Variants in TTBK2 observed in about 807,000 individuals in gnomAD.
TTBK2 encodes the protein tau tubulin kinase 2, also known as tau-tubulin kinase 2.
Under a neutral mutation model 110.8 loss-of-function variants are expected in TTBK2, and 28 were observed. The observed-to-expected ratio is 0.25, with a 90% CI of 0.19 to 0.35. TTBK2 has a LOEUF of 0.35. Ranked by LOEUF, TTBK2 falls within the 10% of genes least tolerant of loss-of-function variation. TTBK2 has a pLI of 1.00. For missense variants in TTBK2, 1,369 were observed against 1,500.3 expected (o/e 0.91, Z 1.45); for synonymous variants, 532 against 527.3 (o/e 1.01, Z -0.12).
chr15:42,905,315 C>G (rs1253578209), intron 1 of TTBK2, among the ~76,000 whole-genome samples: 1 of 152,086 alleles, frequency 6.6e-6, no homozygotes, highest in Non-Finnish European at 1.5e-5. Flanking sequence ...ACTCTGTCAC[C>G]CAAGCTGGAA....
At chr15:42,893,044 A>C (rs1462381099) in intron 1 of TTBK2, among the ~76,000 whole-genome samples, 5 of 151,826 alleles carry the variant, frequency 3.3e-5, no homozygotes, top group Admixed American at 2.0e-4. Flanking sequence ...AAGAAAAAAA[A>C]CCAAAATGTT....
chr15:42,768,376 C>T (rs1889489470), intron 13 of TTBK2, among the ~76,000 whole-genome samples: 1 of 152,190 alleles, frequency 6.6e-6, no homozygotes, highest in Non-Finnish European at 1.5e-5. Context: ...ATCATCTCAG[C>T]CCAAAATCTT....
intron 1 of TTBK2, among the ~76,000 whole-genome samples, chr15:42,917,371 AAAG>A (rs1393184348): frequency 2.0e-5 from 3 of 152,164 alleles, no homozygotes; most frequent in Non-Finnish European, 2.9e-5. Context: ...AACCAACTGA[AAAG>A]AAGAAACTAT....
chr15:42,874,554 T>G, intron 2 of TTBK2, among the ~76,000 whole-genome samples: 1 of 151,730 alleles, frequency 6.6e-6, no homozygotes, highest in East Asian at 2.0e-4. Flanking sequence ...TGATCACAGG[T>G]GATCCACCCA....
At chr15:42,907,929 A>C (rs1012974789) in intron 1 of TTBK2, among the ~76,000 whole-genome samples, 5 of 151,214 alleles carry the variant, frequency 3.3e-5, no homozygotes, top group Non-Finnish European at 7.4e-5. Flanking sequence ...AAATAATAAT[A>C]ATAATAATTA....
At chr15:42,914,599 G>A (rs1424942410) in intron 1 of TTBK2, among the ~76,000 whole-genome samples, 1 of 152,198 alleles carries the variant, frequency 6.6e-6, no homozygotes, top group East Asian at 1.9e-4. Context: ...GGAGAGTGGG[G>A]ACTCTTTAGG....
Position 42,783,558 on chromosome 15 carries a change from C to G in TTBK2, c.1058G>C (p.Ser353Thr), listed in dbSNP as rs1406023304. Residue 353 changes from serine to threonine, a missense_variant, in exon 11 of 15, where the codon AGC becomes ACC. By Grantham distance (58) the Ser-to-Thr change is moderately conservative. Around this residue, in one of 4 missense-constraint regions of TTBK2, gnomAD observed 1,097 missense variants for 1,114.7 expected, o/e 0.98. Coordinates refer to ENST00000267890, the MANE Select transcript of TTBK2 (RefSeq NM_173500.4). The stretch of plus-strand genomic sequence containing the variant: ...AACAGGGATGCCATTTTCTCCATCG[C>G]TAAGCTGTTCATCTGGAAATACCTC... Reference protein sequence around the residue: ...TDEVFPDEQLSDGENGIPVGV... With the variant: ...TDEVFPDEQLTDGENGIPVGV... The G allele has an allele frequency of 1.2e-6, 2 of 1,614,026 alleles. No individual in the cohort carries two copies. The highest frequency in any genetic ancestry group is 2.2e-5 in the South Asian group (2 of 91,070).
chr15:42,749,105 A>G (rs2061833182), intron 14 of TTBK2, among the ~76,000 whole-genome samples: 1 of 152,266 alleles, frequency 6.6e-6, no homozygotes, highest in Admixed American at 6.5e-5. Context: ...TTACATGCTA[A>G]GCAATGTACC....
intron 13 of TTBK2, among the ~76,000 whole-genome samples, chr15:42,769,306 AC>A (rs1889545462): frequency 6.6e-6 from 1 of 152,218 alleles, no homozygotes; most frequent in Admixed American, 6.5e-5. Context: ...AAAAGAAACT[AC>A]CATCAGAGTG....
chr15:42,890,836 A>G (rs926625068), intron 1 of TTBK2, among the ~76,000 whole-genome samples: 1 of 152,116 alleles, frequency 6.6e-6, no homozygotes, highest in South Asian at 2.1e-4. Context: ...CACATGGCCA[A>G]TGATTTAATC....
At chr15:42,817,635 C>T (rs961236737) in intron 6 of TTBK2, among the ~76,000 whole-genome samples, 3 of 152,184 alleles carry the variant, frequency 2.0e-5, no homozygotes, top group African/African-American at 7.2e-5. Flanking sequence ...GTATGTGCCA[C>T]ATACTAGAAA....
In TTBK2 at chr15:42,797,816, T is replaced by C. The variant is rs184348092; in HGVS notation, c.823-3015A>G. ...GTGTGTGAATACATGTCTGTGTATA[T>C]ATATATATGTGTGTGCCTGTTAAAT... On this transcript the variant is annotated intron_variant, in intron 9 of 14. Coordinates refer to ENST00000267890, the MANE Select transcript of TTBK2 (RefSeq NM_173500.4). Among the ~76,000 whole-genome samples the C allele has an allele frequency of 2.6e-5, 4 of 152,280 alleles. No homozygotes were observed. In the South Asian group the frequency reaches 6.2e-4, roughly 24 times the overall value.
At chr15:42,783,659 A>G in intron 10 of TTBK2, 24 bp from the exon 11 acceptor site, 1 of 1,582,052 alleles carries the variant, frequency 6.3e-7, no homozygotes, top group Non-Finnish European at 8.7e-7. Flanking sequence ...GAGAAAAAAA[A>G]GGCAAGAATC....
At chr15:42,784,528 T>C (rs1457174638) in intron 10 of TTBK2, among the ~76,000 whole-genome samples, 2 of 152,258 alleles carry the variant, frequency 1.3e-5, no homozygotes, top group Non-Finnish European at 2.9e-5. Context: ...TCTGCCTGCC[T>C]TGGCCTACCA....
intron 13 of TTBK2, among the ~76,000 whole-genome samples, chr15:42,767,386 A>G (rs1400970707): frequency 1.3e-5 from 2 of 152,224 alleles, no homozygotes; most frequent in African/African-American, 4.8e-5. Flanking sequence ...TAAAAAAGAA[A>G]AGAGAGAAGA....
intron 4 of TTBK2, among the ~76,000 whole-genome samples, chr15:42,839,364 G>A (rs1458235292): frequency 6.6e-6 from 1 of 152,182 alleles, no homozygotes; most frequent in South Asian, 2.1e-4. Context: ...GGCATGTAAG[G>A]TTAATTCCAC....
chr15:42,917,178 T>C (rs1220273699), intron 1 of TTBK2, among the ~76,000 whole-genome samples: 1 of 149,968 alleles, frequency 6.7e-6, no homozygotes, highest in Non-Finnish European at 1.5e-5. Context: ...CTATATACAA[T>C]AAAAAACAGC....
In TTBK2 at chr15:42,885,606, C is replaced by T. The variant is rs570352100; in HGVS notation, c.-67-6922G>A. The stretch of plus-strand genomic sequence containing the variant: ...GTGTCTGACCATGCAGGGTCACCTG[C>T]CTTGGTCCTTCACCCTTAGCAGCAA... On this transcript the variant is annotated intron_variant, in intron 1 of 14. Transcript: ENST00000267890. Among the ~76,000 whole-genome samples the T allele has an allele frequency of 3.9e-5, 6 of 152,320 alleles. No individual in the cohort carries two copies. The South Asian group carries it at 8.3e-4, about 21-fold the overall frequency.
intron 3 of TTBK2, among the ~76,000 whole-genome samples, chr15:42,863,454 A>G (rs558390565): frequency 1.3e-5 from 2 of 152,356 alleles, no homozygotes; most frequent in South Asian, 4.1e-4. Context: ...AAAACATTCC[A>G]TGCTCATGGA....
Sources: gnomAD v4.1 joint callset for allele counts (sites outside exome capture counted in the v4.1 genomes callset) on GRCh38, gnomAD v4.1.1 for gene constraint, gnomAD v4.1.1 regional missense constraint, MANE v1.5 for transcripts, NCBI Gene and HGNC (gene_info 2026-07-23, HGNC 2026-07-21) for gene names.